ILDR1: variants seen among roughly 807,000 people sequenced by gnomAD.
ILDR1 encodes the protein immunoglobulin like domain containing receptor 1, also known as immunoglobulin-like domain-containing receptor 1.
Under a neutral mutation model 62.4 loss-of-function variants are expected in ILDR1, and 56 were observed. The observed-to-expected ratio is 0.90, with a 90% CI of 0.72 to 1.12. The LOEUF (loss-of-function observed/expected upper bound fraction) is 1.12. Among genes scored for constraint, ILDR1 ranks in the 50% most tolerant of loss-of-function variants. The pLI is 0.00. For synonymous variants in ILDR1, 284 were observed against 277.8 expected (o/e 1.02, Z -0.22); for missense variants, 736 against 710.6 (o/e 1.04, Z -0.41).
the ILDR1 span, among the ~76,000 whole-genome samples, chr3:122,046,245 C>T: frequency 1.3e-5 from 2 of 149,628 alleles, no homozygotes; most frequent in Non-Finnish European, 3.0e-5. Flanking sequence ...TGAATATCGG[C>T]CCCCACTCTC....
chr3:122,033,588 AT>A, the ILDR1 span, among the ~76,000 whole-genome samples: 6 of 151,620 alleles, frequency 4.0e-5, no homozygotes, highest in Admixed American at 2.0e-4. Context: ...GGTCATGAAG[AT>A]TTTTTTCTTT....
At chr3:122,000,808 T>C (rs1387217558) in intron 5 of ILDR1, among the ~76,000 whole-genome samples, 2 of 152,234 alleles carry the variant, frequency 1.3e-5, no homozygotes, top group African/African-American at 2.4e-5. Flanking sequence ...AGTTAAATTA[T>C]AGGACATTCA....
intron 1 of ILDR1, among the ~76,000 whole-genome samples, chr3:122,013,950 G>A (rs1322394109): frequency 6.6e-6 from 1 of 152,170 alleles, no homozygotes. Context: ...GATGAGATAA[G>A]CTTTACTTTC....
At chr3:122,060,319 G>A in the ILDR1 span, among the ~76,000 whole-genome samples, 2 of 152,304 alleles carry the variant, frequency 1.3e-5, no homozygotes, top group African/African-American at 4.8e-5. Context: ...GTTGAGTGGA[G>A]GCAGTAGACT....
intron 5 of ILDR1, among the ~76,000 whole-genome samples, chr3:121,998,673 C>T (rs912828836): frequency 6.6e-6 from 1 of 152,144 alleles, no homozygotes; most frequent in East Asian, 1.9e-4. Context: ...TCTAAGCAGG[C>T]ATCTTGGGCG....
chr3:122,006,670 C>T (rs968929718), intron 2 of ILDR1, among the ~76,000 whole-genome samples: 8 of 152,162 alleles, frequency 5.3e-5, no homozygotes, highest in Non-Finnish European at 1.2e-4. Context: ...GGGCCTGCAT[C>T]ATCAGCTCAG....
chr3:122,001,502 G>C (rs749628134), intron 4 of ILDR1, 48 bp from the exon 5 acceptor site: 4 of 1,601,198 alleles, frequency 2.5e-6, no homozygotes, highest in Non-Finnish European at 2.6e-6. Context: ...TTCAGGGGGA[G>C]GGAATACTTC....
chr3:121,994,304 C>G lies in ILDR1; in HGVS notation c.656G>C (p.Arg219Pro), dbSNP rs774951852. ...HCCCPEEALA[R>P]HRYMKQAQAL... ...CTGGGCCTGCTTCATGTAGCGGTGGCGGGCCAGGGCTGCAGGGAAAGAAGG... is the reference window on the plus strand; with the variant it reads ...CTGGGCCTGCTTCATGTAGCGGTGGGGGGCCAGGGCTGCAGGGAAAGAAGG... Residue 219 changes from arginine to proline, a missense_variant, in exon 6 of 8, where the codon CGC (arginine) becomes CCC (proline). By Grantham distance (103) the Arg-to-Pro change is moderately radical. Transcript: ENST00000344209. The G allele has an allele frequency of 6.5e-7, 1 of 1,533,412 alleles. No homozygotes were observed. Among genetic ancestry groups the G allele is most frequent in the East Asian group, 2.4e-5 (1 of 40,844 alleles). 95.0% of individuals were successfully genotyped at this position (1,533,412 alleles called of 1,614,324 possible). A position where few individuals can be genotyped will look rare whatever the true frequency, so the allele number is the denominator to read the frequency against.
chr3:122,033,363 G>A, the ILDR1 span, among the ~76,000 whole-genome samples: 2 of 151,812 alleles, frequency 1.3e-5, no homozygotes, highest in African/African-American at 4.8e-5. Flanking sequence ...GGAGTTTGTA[G>A]AAGTTTCTTA....
chr3:122,001,576 T>C (rs757394644), intron 4 of ILDR1, 122 bp from the exon 5 acceptor site: 6 of 1,471,682 alleles, frequency 4.1e-6, no homozygotes, highest in South Asian at 1.1e-5. Context: ...AGTTGAGCAA[T>C]ATACTGGCAA....
chr3:121,994,478 C>T (rs945399956), intron 5 of ILDR1, among the ~76,000 whole-genome samples, 165 bp from the exon 6 acceptor site: 4 of 152,148 alleles, frequency 2.6e-5, no homozygotes, highest in African/African-American at 4.8e-5. Context: ...ATTAACTGTC[C>T]CCCTGGCGAG....
chr3:122,031,381 A>G, the ILDR1 span, among the ~76,000 whole-genome samples: 1 of 152,216 alleles, frequency 6.6e-6, no homozygotes, highest in African/African-American at 2.4e-5. Context: ...TTTCAGAACC[A>G]ACATTCTACA....
intron 5 of ILDR1, among the ~76,000 whole-genome samples, chr3:121,996,463 TTTCTC>T (rs1397516662): frequency 6.6e-6 from 1 of 152,144 alleles, no homozygotes; most frequent in Non-Finnish European, 1.5e-5. Flanking sequence ...CCTTTGAGCT[TTTCTC>T]TTGCGTGCCT....
At chr3:122,055,569 T>G in the ILDR1 span, 10 of 1,428,048 alleles carry the variant, frequency 7.0e-6, no homozygotes, top group African/African-American at 1.4e-5. Flanking sequence ...AGGCTGAGGT[T>G]GAAGATGGTG....
intron 1 of ILDR1, among the ~76,000 whole-genome samples, chr3:122,010,139 A>G (rs371869311): frequency 1.3e-5 from 2 of 152,364 alleles, no homozygotes; most frequent in South Asian, 4.1e-4. Context: ...AGGAGGGAGC[A>G]AAGAGCCTTA....
At chr3:122,023,108 A>G (rs1576740878), upstream of ILDR1, among the ~76,000 whole-genome samples, 1 of 150,976 alleles carries the variant, frequency 6.6e-6, no homozygotes, top group African/African-American at 2.4e-5. Context: ...TCAAGTAGGT[A>G]TATTTATTTA....
chr3:121,993,343 G>C lies in ILDR1; in HGVS notation c.1406C>G (p.Ser469Cys). The change falls in exon 7 of 8, where the codon TCT becomes TGT. Residue 469 changes from serine to cysteine, a missense_variant. Ser to Cys is a moderately radical substitution (Grantham distance 112, BLOSUM62 -1). Coordinates refer to ENST00000344209, the MANE Select transcript of ILDR1 (RefSeq NM_001199799.2). Reference protein sequence around the residue: ...HGRRRRHRSYSPPLPSGLSSW... With the variant: ...HGRRRRHRSYCPPLPSGLSSW... ...ACTGAGGCCGGAGGGCAAGGGAGGA[G>C]AGTAGCTGCGGTGCCTGCGTCGTCT... 3.7e-6 allele frequency: 6 copies of C among 1,610,280 alleles called. No homozygotes were observed. The highest frequency in any genetic ancestry group is 5.1e-6 in the Non-Finnish European group (6 of 1,177,086).
At chr3:122,039,065 AAG>A in the ILDR1 span, among the ~76,000 whole-genome samples, 9 of 152,210 alleles carry the variant, frequency 5.9e-5, no homozygotes, top group South Asian at 2.1e-4. Context: ...AGAGAGGAAA[AAG>A]AGAGTGAAAA....
chr3:122,009,502 C>T (rs1264718553), intron 1 of ILDR1, among the ~76,000 whole-genome samples: 4 of 152,188 alleles, frequency 2.6e-5, no homozygotes, highest in African/African-American at 7.2e-5. Flanking sequence ...CTTATCAGGT[C>T]CTTGCAAGAA....
Sources: allele counts gnomAD v4.1 joint callset (sites outside exome capture counted in the v4.1 genomes callset), GRCh38; gene constraint gnomAD v4.1.1; transcripts MANE v1.5; gene names NCBI Gene and HGNC (gene_info 2026-07-23, HGNC 2026-07-21).